Variants in RANBP2 observed in about 807,000 individuals in gnomAD.
The protein encoded by RANBP2 is RAN binding protein 2.
In RANBP2, 57 loss-of-function variants were observed where a neutral mutation model predicts 303.6. The observed-to-expected ratio is 0.19, with a 90% CI of 0.15 to 0.23. The LOEUF is 0.23. Among genes scored for constraint, RANBP2 ranks in the 10% least tolerant of loss-of-function variants. RANBP2 has a pLI of 1.00. For synonymous variants in RANBP2, 1,167 were observed against 1,301.5 expected (o/e 0.90, Z 2.23); for missense variants, 3,138 against 3,780.8 (o/e 0.83, Z 4.46).
chr2:109,416,405 G>A, the RANBP2 span, among the ~76,000 whole-genome samples: 1 of 152,032 alleles, frequency 6.6e-6, no homozygotes, highest in Non-Finnish European at 1.5e-5. Flanking sequence ...GACTAGCCTG[G>A]CCAACATGGC....
At chr2:109,008,103 C>T in the RANBP2 span, among the ~76,000 whole-genome samples, 1 of 152,170 alleles carries the variant, frequency 6.6e-6, no homozygotes, top group Non-Finnish European at 1.5e-5. Context: ...CACTGACACA[C>T]GAAGAGTTGA....
At chr2:109,111,596 T>C in the RANBP2 span, among the ~76,000 whole-genome samples, 6 of 90,944 alleles carry the variant, frequency 6.6e-5, no homozygotes, top group African/African-American at 1.2e-4. Context: ...TTTTCTTTTC[T>C]TTTTTTTTTT....
the RANBP2 span, among the ~76,000 whole-genome samples, chr2:109,078,098 A>ATATATATATATATATATAGCG: frequency 5.0e-5 from 3 of 60,056 alleles, no homozygotes; most frequent in African/African-American, 2.6e-4. Flanking sequence ...ATATATATAT[A>ATATATATATATATATATAGCG]TATATATATA....
At chr2:109,562,635 C>T in the RANBP2 span, among the ~76,000 whole-genome samples, 1 of 152,108 alleles carries the variant, frequency 6.6e-6, no homozygotes, top group Non-Finnish European at 1.5e-5. Context: ...GACACCTAGG[C>T]CTGTCTCCTC....
the RANBP2 span, among the ~76,000 whole-genome samples, chr2:109,410,051 A>G: frequency 2.0e-5 from 3 of 152,276 alleles, no homozygotes; most frequent in African/African-American, 7.2e-5. Context: ...TTTCCCTTTT[A>G]GTAATCCCAG....
At chr2:108,806,917 G>A in the RANBP2 span, among the ~76,000 whole-genome samples, 1 of 152,208 alleles carries the variant, frequency 6.6e-6, no homozygotes, top group South Asian at 2.1e-4. Flanking sequence ...GATCTCAGTT[G>A]AAAGGAGCAG....
the RANBP2 span, among the ~76,000 whole-genome samples, chr2:108,796,412 G>A: frequency 6.6e-6 from 1 of 152,142 alleles, no homozygotes. Context: ...AGCCACTGTG[G>A]AAAACACTTT....
the RANBP2 span, chr2:109,733,032 G>C: frequency 1.7e-6 from 1 of 572,114 alleles, no homozygotes; most frequent in African/African-American, 1.9e-5. Context: ...CTTCCACCTC[G>C]TCGCAGACCT....
At chr2:108,811,245 C>CTTTTTTTTTTT in the RANBP2 span, among the ~76,000 whole-genome samples, 215 of 109,588 alleles carry the variant, frequency 2.0e-3, 13 homozygotes, top group African/African-American at 7.6e-3. Flanking sequence ...CTTTCTCTCT[C>CTTTTTTTTTTT]TCTTTTTTTT....
the RANBP2 span, among the ~76,000 whole-genome samples, chr2:108,880,750 TA>T: frequency 1.3e-5 from 2 of 151,810 alleles, no homozygotes; most frequent in African/African-American, 2.4e-5. Context: ...ACTGCTCAGA[TA>T]AAAAAAAGAC....
the RANBP2 span, among the ~76,000 whole-genome samples, chr2:108,814,324 G>A: frequency 4.3e-4 from 65 of 152,206 alleles, no homozygotes; most frequent in African/African-American, 1.5e-3. Context: ...GTGTGTAGTA[G>A]TATCTTATTA....
the RANBP2 span, among the ~76,000 whole-genome samples, chr2:109,362,981 C>T: frequency 6.6e-6 from 1 of 152,040 alleles, no homozygotes; most frequent in Non-Finnish European, 1.5e-5. Flanking sequence ...TTGTAAACAA[C>T]ATATAGTTGT....
chr2:108,919,772 C>A, the RANBP2 span, among the ~76,000 whole-genome samples: 2 of 152,184 alleles, frequency 1.3e-5, no homozygotes, highest in Admixed American at 6.5e-5. Context: ...AGCGAGGCTC[C>A]GTGGGGCACC....
chr2:109,324,354 T>C, the RANBP2 span, among the ~76,000 whole-genome samples: 3 of 152,208 alleles, frequency 2.0e-5, no homozygotes, highest in Admixed American at 6.5e-5. Context: ...TTTAACCTTC[T>C]GAGGGGCTGC....
the RANBP2 span, among the ~76,000 whole-genome samples, chr2:109,171,567 G>A: frequency 3.2e-3 from 493 of 152,358 alleles, 2 homozygotes; most frequent in African/African-American, 0.011. Flanking sequence ...ATTAGAACAC[G>A]GAGCACAGGG....
At chr2:109,001,228 CCA>C in the RANBP2 span, among the ~76,000 whole-genome samples, 1 of 152,174 alleles carries the variant, frequency 6.6e-6, no homozygotes, top group Admixed American at 6.5e-5. Context: ...GAGCTCCAGA[CCA>C]CACAGTCTTT....
chr2:109,313,437 C>G, the RANBP2 span: 1 of 153,752 alleles, frequency 6.5e-6, no homozygotes, highest in African/African-American at 2.4e-5. Flanking sequence ...GGATACAAGG[C>G]CAGGCCTCCC....
chr2:109,005,490 T>C, the RANBP2 span, among the ~76,000 whole-genome samples: 3 of 152,172 alleles, frequency 2.0e-5, no homozygotes, highest in Non-Finnish European at 2.9e-5. Flanking sequence ...TGGTATGCCA[T>C]CTTCCCTTCC....
the RANBP2 span, among the ~76,000 whole-genome samples, chr2:109,438,395 T>G: frequency 3.9e-5 from 6 of 152,144 alleles, no homozygotes; most frequent in Non-Finnish European, 5.9e-5. Flanking sequence ...CAGGTGGACT[T>G]CAGGTGCCCA....
Sources: allele counts gnomAD v4.1 joint callset (sites outside exome capture counted in the v4.1 genomes callset), GRCh38; gene constraint gnomAD v4.1.1; transcripts MANE v1.5; gene names NCBI Gene and HGNC (gene_info 2026-07-23, HGNC 2026-07-21).